The following C14orf39 variants were observed in gnomAD, a reference collection of about 807,000 sequenced individuals.
C14orf39 encodes chromosome 14 open reading frame 39.
C14orf39 carries 66 observed loss-of-function variants against 85.6 expected under a neutral mutation model. The ratio of observed to expected loss-of-function variants is 0.77; its 90% CI spans 0.63 to 0.95. The LOEUF (loss-of-function observed/expected upper bound fraction) is 0.95. C14orf39 is among the 40% of genes least tolerant of loss of function. C14orf39 has a pLI of 0.00. For synonymous variants in C14orf39, 242 were observed against 214.0 expected (o/e 1.13, Z -1.14); for missense variants, 735 against 663.9 (o/e 1.11, Z -1.18).
At chr14:60,455,889 G>T (rs919541254) in intron 15 of C14orf39, among the ~76,000 whole-genome samples, 2 of 152,066 alleles carry the variant, frequency 1.3e-5, no homozygotes, top group Admixed American at 6.6e-5. Context: ...GAAATCTGAT[G>T]ATACTGCCAT....
At chr14:60,514,766 AGAATGT>A (rs1000965270) in intron 1 of C14orf39, among the ~76,000 whole-genome samples, 4 of 152,248 alleles carry the variant, frequency 2.6e-5, no homozygotes, top group Non-Finnish European at 5.9e-5. Context: ...GTATCCAAAG[AGAATGT>A]GAATGGGGCG....
chr14:60,464,348 C>T (rs914821522), intron 11 of C14orf39, among the ~76,000 whole-genome samples: 1 of 152,054 alleles, frequency 6.6e-6, no homozygotes, highest in Non-Finnish European at 1.5e-5. Context: ...GAAAAACAAA[C>T]GTTTATCTTG....
chr14:60,478,451 A>G (rs1021367267), intron 4 of C14orf39, 62 bp from the exon 5 acceptor site: 26 of 801,298 alleles, frequency 3.2e-5, no homozygotes, highest in Non-Finnish European at 4.4e-5. Flanking sequence ...GATAGAGATA[A>G]TAAAAAAAAG....
At chr14:60,480,415 T>C (rs1451468019) in intron 4 of C14orf39, among the ~76,000 whole-genome samples, 1 of 151,472 alleles carries the variant, frequency 6.6e-6, no homozygotes, top group Non-Finnish European at 1.5e-5. Context: ...GTGACAAGAG[T>C]GAAACTCCAT....
At chr14:60,512,623 G>A (rs1893311363) in intron 1 of C14orf39, 1 of 152,032 alleles carries the variant, frequency 6.6e-6, no homozygotes, top group South Asian at 2.1e-4. Context: ...AGTCATCAAG[G>A]GCCTCATTGT....
chr14:60,465,916 A>C, intron 11 of C14orf39, 63 bp downstream of exon 11: 1 of 815,544 alleles, frequency 1.2e-6, no homozygotes. Context: ...AGGGCAGTAC[A>C]TTCATTATTA....
intron 17 of C14orf39, among the ~76,000 whole-genome samples, chr14:60,437,320 C>T (rs1030074410): frequency 3.9e-5 from 6 of 151,984 alleles, no homozygotes; most frequent in South Asian, 2.1e-4. Flanking sequence ...TAGAATAAAA[C>T]ACCTCAAATG....
At chr14:60,437,177 A>T in intron 17 of C14orf39, 130 bp from the exon 18 acceptor site, 1 of 620,704 alleles carries the variant, frequency 1.6e-6, no homozygotes, top group Non-Finnish European at 2.8e-6. Flanking sequence ...GAATACAGGT[A>T]TTTAATTGTA....
At chr14:60,450,037 G>T (rs1396983847) in intron 16 of C14orf39, among the ~76,000 whole-genome samples, 3 of 152,238 alleles carry the variant, frequency 2.0e-5, no homozygotes, top group Non-Finnish European at 4.4e-5. Context: ...TACTCAGGTA[G>T]TATGCTGTGG....
chr14:60,507,944 C>T lies in C14orf39; in HGVS notation c.-144+7451G>A, dbSNP rs147365911. On this transcript the variant is annotated intron_variant, in intron 1 of 5. Transcript: ENST00000556799. ...ACAGGCCCAGATGAGATCATGGTTT[C>T]TTTGACCCAGGCCTCAGAAAATGGT... Among the ~76,000 whole-genome samples, 31 of 152,240 alleles carry T rather than the reference C, an allele frequency of 2.0e-4. No individual in the cohort carries two copies. The East Asian group carries it at 5.8e-3, about 28-fold the overall frequency.
chr14:60,487,722 G>A (rs1892923531), upstream of C14orf39, among the ~76,000 whole-genome samples: 2 of 152,002 alleles, frequency 1.3e-5, no homozygotes, highest in Admixed American at 6.6e-5. Flanking sequence ...CCCTAATGGC[G>A]GTACCCATTT....
chr14:60,472,118 T>C (rs1167414850), intron 5 of C14orf39, among the ~76,000 whole-genome samples: 1 of 152,044 alleles, frequency 6.6e-6, no homozygotes, highest in Non-Finnish European at 1.5e-5. Flanking sequence ...GGAACCTCTA[T>C]CTTCCCTGGC....
chr14:60,481,683 TTTAA>T (rs1298219542), intron 4 of C14orf39, among the ~76,000 whole-genome samples: 1 of 152,316 alleles, frequency 6.6e-6, no homozygotes, highest in East Asian at 1.9e-4. Flanking sequence ...TAATTATTGC[TTTAA>T]TTTAGATATT....
intron 16 of C14orf39, among the ~76,000 whole-genome samples, chr14:60,448,026 T>G (rs1214182905): frequency 6.6e-6 from 1 of 152,170 alleles, no homozygotes; most frequent in Non-Finnish European, 1.5e-5. Flanking sequence ...TCCTTACATC[T>G]TATACAAAAA....
chr14:60,488,377 T>C (rs1162189643), upstream of C14orf39, among the ~76,000 whole-genome samples: 1 of 152,208 alleles, frequency 6.6e-6, no homozygotes, highest in Non-Finnish European at 1.5e-5. Context: ...ATGCTCCATC[T>C]ACTGGAGAGT....
intron 1 of C14orf39, among the ~76,000 whole-genome samples, chr14:60,504,682 G>C: frequency 6.6e-6 from 1 of 152,204 alleles, no homozygotes; most frequent in East Asian, 1.9e-4. Flanking sequence ...CTCTAAGCAA[G>C]TAATGCAGTG....
At chr14:60,462,573 T>C (rs1243339371) in intron 11 of C14orf39, among the ~76,000 whole-genome samples, 1 of 152,100 alleles carries the variant, frequency 6.6e-6, no homozygotes, top group African/African-American at 2.4e-5. Flanking sequence ...CAGACATTGA[T>C]CTTAATTCTG....
chr14:60,501,722 G>A (rs1030466144), intron 1 of C14orf39, among the ~76,000 whole-genome samples: 2 of 152,178 alleles, frequency 1.3e-5, no homozygotes, highest in African/African-American at 4.8e-5. Flanking sequence ...CCACAGAATA[G>A]GAAGGCCTAC....
chr14:60,442,008 G>A (rs527433856), intron 17 of C14orf39, 66 bp downstream of exon 17: 13 of 1,092,168 alleles, frequency 1.2e-5, no homozygotes, highest in Middle Eastern at 2.1e-4. Context: ...AAATAAGTTA[G>A]AGAAACTAAA....
Sources: allele counts gnomAD v4.1 joint callset (sites outside exome capture counted in the v4.1 genomes callset), GRCh38; gene constraint gnomAD v4.1.1; transcripts MANE v1.5; gene names NCBI Gene and HGNC (gene_info 2026-07-23, HGNC 2026-07-21).